Variants in MPZ observed in about 807,000 individuals in gnomAD.
MPZ encodes myelin protein P0.
In MPZ, 13 loss-of-function variants were observed where a neutral mutation model predicts 27.9. The observed-to-expected ratio is 0.47, with a 90% confidence interval of 0.30 to 0.74. MPZ has a LOEUF of 0.74. MPZ is among the 30% of genes least tolerant of loss of function. The probability of loss-of-function intolerance (pLI) is 0.06; values close to 1 mark genes in which losing one functional copy is unlikely to be tolerated. For synonymous variants in MPZ, 118 were observed against 128.9 expected (o/e 0.92, Z 0.57); for missense variants, 256 against 317.5 (o/e 0.81, Z 1.47).
Position 161,306,726 on chromosome 1 carries a change from G to A in MPZ, c.430C>T (p.Leu144=), listed in dbSNP as rs1670258655. ...CTCACACCTTTTTCAAAGACATACA[G>A]CGTGACCTGAGAGGTCTTGCCCACT... ...DIVGKTSQVT[L]YVFEKVPTRY... Residue 144 remains leucine, a synonymous_variant, in exon 3 of 6, where the codon CTG becomes TTG. Coordinates refer to ENST00000533357, the MANE Select transcript of MPZ (RefSeq NM_000530.8). 1.2e-6 allele frequency: 2 copies of A among 1,613,966 alleles called. No homozygotes were observed. The highest frequency in any genetic ancestry group is 1.1e-5 in the South Asian group (1 of 91,076).
Position 161,309,875 on chromosome 1 carries a change from TG to T in MPZ, c.30del (p.Ser11AlafsTer36). On this transcript the variant is annotated frameshift_variant, in exon 1 of 6. Transcript: ENST00000533357. LOFTEE classifies it high-confidence loss of function. ...AAGAGCAGCACAGCCAGGATAGGGC[TG>T]GGGCTGGATGAGGGAGCCCCAGGAG... MAPGAPSSS[P>X]SPILAVLLFS... is the part of the protein sequence containing the mutation. The T allele has an allele frequency of 6.3e-7, 1 of 1,589,034 alleles. No individual in the cohort carries two copies. Among genetic ancestry groups the T allele is most frequent in the Non-Finnish European group, 8.6e-7 (1 of 1,168,884 alleles).
chr1:161,309,535 C>CATATATATATATATATATATAT (rs568535304), intron 1 of MPZ, among the ~76,000 whole-genome samples: 2 of 112,388 alleles, frequency 1.8e-5, no homozygotes, highest in Non-Finnish European at 1.8e-5. Flanking sequence ...TTTTTCTTTT[C>CATATATATATATATATATATAT]ATATATATAT....
At chr1:161,307,014 CAAA>C (rs34621933) in intron 2 of MPZ, 93 bp from the exon 3 acceptor site, 19,989 of 219,936 alleles carry the variant, frequency 0.091, 186 homozygotes, top group Non-Finnish European at 0.11. Context: ...AAGAAAAAAG[CAAA>C]AAAAAAAAAA....
At chr1:161,309,552 A>ATATATATATATATTTTTTTTTTT in intron 1 of MPZ, among the ~76,000 whole-genome samples, 1 of 80,664 alleles carries the variant, frequency 1.2e-5, no homozygotes, top group African/African-American at 5.8e-5. Context: ...ATATATATAT[A>ATATATATATATATTTTTTTTTTT]TTTTTTTTTT....
At chr1:161,307,034 A>AAAAAC in intron 2 of MPZ, 113 bp from the exon 3 acceptor site, 1 of 1,014,002 alleles carries the variant, frequency 9.9e-7, no homozygotes, top group South Asian at 1.5e-5. Context: ...AAAAAAAAAA[A>AAAAAC]AAAAGCTTCG....
At chr1:161,307,458 A>T (rs1157107524) in intron 1 of MPZ, 34 bp from the exon 2 acceptor site, 1 of 1,612,234 alleles carries the variant, frequency 6.2e-7, no homozygotes, top group African/African-American at 1.3e-5. Flanking sequence ...AGATGCACCT[A>T]TGGGCCCAGT....
intron 1 of MPZ, 31 bp from the exon 2 acceptor site, chr1:161,307,455 CCTA>C (rs915937367): frequency 1.2e-6 from 2 of 1,613,258 alleles, no homozygotes; most frequent in Admixed American, 3.3e-5. Flanking sequence ...ATCAGATGCA[CCTA>C]TGGGCCCAGT....
chr1:161,306,819 C>A lies in MPZ; in HGVS notation c.337G>T (p.Val113Phe), dbSNP rs281865126. The A allele has an allele frequency of 6.2e-7, 1 of 1,613,940 alleles. No homozygotes were observed. The highest frequency in any genetic ancestry group is 8.5e-7 in the Non-Finnish European group (1 of 1,180,000). ...TCACTGTAGTCTAGGTTGTGTATGA[C>A]AATGGAGCCATCCTTCCAGCGAGGG... ...GDPRWKDGSI[V>F]IHNLDYSDNG... Residue 113 changes from valine to phenylalanine, a missense_variant, in exon 3 of 6, where the codon GTC becomes TTC. By Grantham distance (50) the Val-to-Phe change is conservative. Around this residue, in one of 2 missense-constraint regions of MPZ, gnomAD observed 155 missense variants for 223.9 expected, o/e 0.69. Transcript: ENST00000533357.
intron 1 of MPZ, among the ~76,000 whole-genome samples, chr1:161,308,767 A>G (rs767252269): frequency 5.9e-5 from 9 of 152,152 alleles, no homozygotes; most frequent in Non-Finnish European, 1.2e-4. Context: ...ACAAGTGTTG[A>G]GACACAACTC....
chr1:161,309,096 A>G (rs1670330447), intron 1 of MPZ, among the ~76,000 whole-genome samples: 1 of 152,214 alleles, frequency 6.6e-6, no homozygotes, highest in African/African-American at 2.4e-5. Context: ...CCAGGGGGCA[A>G]GGAAAGGGCT....
intron 1 of MPZ, among the ~76,000 whole-genome samples, chr1:161,309,226 T>C (rs1670334361): frequency 6.6e-6 from 1 of 152,220 alleles, no homozygotes; most frequent in African/African-American, 2.4e-5. Flanking sequence ...TCTGAGGAGC[T>C]GAGACCACAA....
chr1:161,307,322 C>A lies in MPZ; in HGVS notation c.170G>T (p.Trp57Leu), dbSNP rs1485883491. Residue 57 changes from tryptophan (W) to leucine (L), a missense_variant, in exon 2 of 6, where the codon TGG (tryptophan) becomes TTG (leucine). Coordinates refer to ENST00000533357, the MANE Select transcript of MPZ (RefSeq NM_000530.8). ...TLHCSFWSSE[W>L]VSDDISFTWR... ...GGTGAAGGAGATGTCATCTGAGACC[C>A]ACTCACTGGACCAGAAGGAGCAGTG... 2 of 1,614,162 alleles carry A rather than the reference C, an allele frequency of 1.2e-6. No homozygotes were observed. Among genetic ancestry groups the A allele is most frequent in the African/African-American group, 2.7e-5 (2 of 74,960 alleles).
In MPZ at chr1:161,306,829, A is replaced by G. The variant is rs1571819047; in HGVS notation, c.327T>C (p.Asp109=). 2 of 1,613,998 alleles carry G rather than the reference A, an allele frequency of 1.2e-6. No homozygotes were observed. Among genetic ancestry groups the G allele is most frequent in the African/African-American group, 2.7e-5 (2 of 74,968 alleles). ...IQWVGDPRWK[D]GSIVIHNLDY... ...CTAGGTTGTGTATGACAATGGAGCC[A>G]TCCTTCCAGCGAGGGTCCCCTACCC... Residue 109 remains aspartate (D), a synonymous_variant, in exon 3 of 6, where the codon GAT becomes GAC. Transcript: ENST00000533357.
At chr1:161,306,502 G>A (rs375138674) in intron 3 of MPZ, 38 bp from the exon 4 acceptor site, 566 of 1,613,892 alleles carry the variant, frequency 3.5e-4, no homozygotes, top group Non-Finnish European at 4.3e-4. Flanking sequence ...GAATGAGCAG[G>A]GCCCTGTATC....
downstream of MPZ, among the ~76,000 whole-genome samples, chr1:161,304,101 C>A (rs1670172590): frequency 6.6e-6 from 1 of 152,088 alleles, no homozygotes; most frequent in South Asian, 2.1e-4. Context: ...TACCAACAAA[C>A]TAGCTAATGA....
Position 161,307,585 on chromosome 1 carries a change from CAGATG to C in MPZ, c.68-166_68-162del. 21 of 688,140 alleles carry C rather than the reference CAGATG, an allele frequency of 3.1e-5. No homozygotes were observed. The South Asian group carries it at 3.7e-4, about 12-fold the overall frequency. 42.6% of individuals were successfully genotyped at this position (688,140 alleles called of 1,614,324 possible). A position where few individuals can be genotyped will look rare whatever the true frequency, so the allele number is the denominator to read the frequency against. On this transcript the variant is annotated intron_variant, in intron 1 of 5. Coordinates refer to ENST00000533357, the MANE Select transcript of MPZ (RefSeq NM_000530.8). ...CCCAAGTCTCTGGGGACTAACTGAA[CAGATG>C]AGCATAAATGCTGTGTCTGTCAAGC...
At chr1:161,306,085 T>A in intron 5 of MPZ, 23 bp downstream of exon 5, 1 of 1,614,040 alleles carries the variant, frequency 6.2e-7, no homozygotes, top group East Asian at 2.2e-5. Flanking sequence ...TCCCATCTTG[T>A]CTAGGCCCCA....
Position 161,305,925 on chromosome 1 carries a change from C to G in MPZ, c.698G>C (p.Ser233Thr). 1 of 1,614,110 alleles carries G rather than the reference C, an allele frequency of 6.2e-7. No individual in the cohort carries two copies. Among genetic ancestry groups the G allele is most frequent in the Non-Finnish European group, 8.5e-7 (1 of 1,180,004 alleles). Residue 233 changes from serine (S) to threonine (T), a missense_variant, in exon 6 of 6, where the codon AGT becomes ACT. Ser to Thr is a moderately conservative substitution (Grantham distance 58, BLOSUM62 1). Around this residue, in one of 2 missense-constraint regions of MPZ, gnomAD observed 101 missense variants for 93.6 expected, o/e 1.08. Coordinates refer to ENST00000533357, the MANE Select transcript of MPZ (RefSeq NM_000530.8). ...CCCCAGCCCCTTGGCCTTCTTCTCA[C>G]TGACAGCTTTGGTGCTTCTGCTGTG... ...LDHSRSTKAV[S>T]EKKAKGLGES...
At chr1:161,306,189 G>A (rs772037264) in intron 4 of MPZ, 21 bp from the exon 5 acceptor site, 1 of 1,613,940 alleles carries the variant, frequency 6.2e-7, no homozygotes, top group Non-Finnish European at 8.5e-7. Context: ...AGAGACTGCT[G>A]TACGTTTGGC....
Sources: gnomAD v4.1 joint callset for allele counts (sites outside exome capture counted in the v4.1 genomes callset) on GRCh38, gnomAD v4.1.1 for gene constraint, gnomAD v4.1.1 regional missense constraint, MANE v1.5 for transcripts, NCBI Gene and HGNC (gene_info 2026-07-23, HGNC 2026-07-21) for gene names.